Variants in VCAM1 observed in about 807,000 individuals in gnomAD.
The protein encoded by VCAM1 is vascular cell adhesion protein 1.
VCAM1 carries 41 observed loss-of-function variants against 63.8 expected under a neutral mutation model. That is an observed-to-expected ratio of 0.64 (90% CI 0.50 to 0.83). The LOEUF (loss-of-function observed/expected upper bound fraction) is 0.83. VCAM1 is among the 40% of genes least tolerant of loss of function. The probability of loss-of-function intolerance (pLI) is 0.00; values close to 1 mark genes in which losing one functional copy is unlikely to be tolerated. For synonymous variants in VCAM1, 338 were observed against 320.7 expected (o/e 1.05, Z -0.58); for missense variants, 798 against 875.5 (o/e 0.91, Z 1.12).
At position 100,724,861 on chromosome 1, in the gene VCAM1, A is replaced by G. The variant is rs775533364; in HGVS notation, c.899A>G (p.Asn300Ser). The G allele has an allele frequency of 1.2e-6, 2 of 1,612,792 alleles. No homozygotes were observed. Among genetic ancestry groups the G allele is most frequent in the Non-Finnish European group, 8.5e-7 (1 of 1,179,224 alleles). ...VCEGVNLIGKNRKEVELIVQE... is the reference protein window; with the variant it reads ...VCEGVNLIGKSRKEVELIVQE... ...GAAGGAGTTAATTTGATTGGGAAAAACAGAAAAGAGGTGGAATTAATTGTT... is the reference window on the plus strand; with the variant it reads ...GAAGGAGTTAATTTGATTGGGAAAAGCAGAAAAGAGGTGGAATTAATTGTT... Residue 300 changes from asparagine to serine, a missense_variant, in exon 4 of 9, where the codon AAC (asparagine) becomes AGC (serine). Coordinates refer to ENST00000294728, the MANE Select transcript of VCAM1 (RefSeq NM_001078.4).
chr1:100,731,566 C>A lies in VCAM1; in HGVS notation c.1525+48C>A. On this transcript the variant is annotated intron_variant, in intron 6 of 8. Transcript: ENST00000294728. This position sits in a 1 kb window ranked among gnomAD's most constrained non-coding sequence, Gnocchi z 4.2. The stretch of plus-strand genomic sequence containing the variant: ...TACAGTTTAATACCTGTCTCTTTAT[C>A]GTGTTTGCCAGGCAATAGTTAACAT... The A allele has an allele frequency of 6.6e-7, 1 of 1,515,236 alleles. No homozygotes were observed. The highest frequency in any genetic ancestry group is 1.3e-5 in the South Asian group (1 of 78,746). 93.9% of individuals were successfully genotyped at this position (1,515,236 alleles called of 1,614,324 possible).
In VCAM1 at chr1:100,720,544, T is replaced by C. The variant is rs1418714841; in HGVS notation, c.133T>C (p.Leu45=). The C allele has an allele frequency of 6.2e-7, 1 of 1,613,254 alleles. No homozygotes were observed. The highest frequency in any genetic ancestry group is 1.3e-5 in the African/African-American group (1 of 74,852). ...TGCTCAGATTGGTGACTCCGTCTCATTGACTTGCAGCACCACAGGCTGTGA... is the reference window on the plus strand; with the variant it reads ...TGCTCAGATTGGTGACTCCGTCTCACTGACTTGCAGCACCACAGGCTGTGA... The part of the protein sequence containing the change: ...YLAQIGDSVS[L]TCSTTGCESP... Residue 45 remains leucine (L), a synonymous_variant, in exon 2 of 9, where the codon TTG becomes CTG. Coordinates refer to ENST00000294728, the MANE Select transcript of VCAM1 (RefSeq NM_001078.4).
intron 3 of VCAM1, among the ~76,000 whole-genome samples, chr1:100,723,879 G>A (rs1371381691): frequency 6.6e-6 from 1 of 151,948 alleles, no homozygotes; most frequent in Non-Finnish European, 1.5e-5. Context: ...TGGGAGTCTT[G>A]TAGTCCCAGC....
chr1:100,732,700 G>GTAAT lies in VCAM1; in HGVS notation c.1792+17_1792+20dup. ...ATTATCCAAGGTGAGCAGAGTGTGAGTAATGAGTTATCCTTGCTAGTAATG... is the reference window on the plus strand; with the variant it reads ...ATTATCCAAGGTGAGCAGAGTGTGAGTAATTAATGAGTTATCCTTGCTAGTAATG... On this transcript the variant is annotated intron_variant, in intron 7 of 8. Transcript: ENST00000294728. 6.4e-7 allele frequency: 1 copy of GTAAT among 1,552,638 alleles called. No individual in the cohort carries two copies. Among genetic ancestry groups the GTAAT allele is most frequent in the Non-Finnish European group, 8.7e-7 (1 of 1,153,058 alleles).
In VCAM1 at chr1:100,731,149, T is replaced by C; in HGVS notation, c.1205-49T>C. The C allele has an allele frequency of 1.3e-6, 2 of 1,535,552 alleles. No individual in the cohort carries two copies. Among genetic ancestry groups the C allele is most frequent in the Non-Finnish European group, 1.7e-6 (2 of 1,144,734 alleles). ...TACATTTAATAAAGCTTAGCTCAAT[T>C]TTTCCTTGAATATCAAGAATAAAAA... On this transcript the variant is annotated intron_variant, in intron 5 of 8. Coordinates refer to ENST00000294728, the MANE Select transcript of VCAM1 (RefSeq NM_001078.4). The surrounding 1 kb of genome is among the most constrained non-coding windows in gnomAD (Gnocchi z 4.2).
intron 7 of VCAM1, 126 bp downstream of exon 7, chr1:100,732,810 TATG>T: frequency 1.9e-6 from 2 of 1,076,608 alleles, no homozygotes; most frequent in Non-Finnish European, 2.6e-6. Flanking sequence ...TTGAAGAGTT[TATG>T]ATGTTTCCAA....
intron 7 of VCAM1, 132 bp downstream of exon 7, chr1:100,732,816 GT>G: frequency 1.0e-6 from 1 of 984,088 alleles, no homozygotes. Context: ...AGTTTATGAT[GT>G]TTCCAATGTA....
chr1:100,722,930 C>T (rs1397079500), intron 2 of VCAM1, 90 bp from the exon 3 acceptor site: 1 of 1,391,658 alleles, frequency 7.2e-7, no homozygotes, highest in Non-Finnish European at 9.5e-7. Context: ...AACAAAAACG[C>T]TAGACTTGAT....
intron 7 of VCAM1, among the ~76,000 whole-genome samples, chr1:100,733,229 A>G (rs1224370997): frequency 6.6e-6 from 1 of 152,228 alleles, no homozygotes; most frequent in Non-Finnish European, 1.5e-5. Flanking sequence ...CCTTCTCTTT[A>G]GGATGGAGAC....
intron 5 of VCAM1, among the ~76,000 whole-genome samples, chr1:100,730,911 AG>A (rs2100831322): frequency 6.6e-6 from 1 of 152,284 alleles, no homozygotes; most frequent in African/African-American, 2.4e-5. Context: ...TACTTAGAAA[AG>A]GTCAAGCCAT....
At chr1:100,734,126 A>G (rs1315948589) in intron 7 of VCAM1, among the ~76,000 whole-genome samples, 1 of 152,194 alleles carries the variant, frequency 6.6e-6, no homozygotes, top group African/African-American at 2.4e-5. Context: ...TGAGAACAGC[A>G]TGGGGGAAAC....
At chr1:100,719,966 A>G in intron 1 of VCAM1, 42 bp downstream of exon 1, 1 of 1,595,840 alleles carries the variant, frequency 6.3e-7, no homozygotes, top group Non-Finnish European at 8.6e-7. Context: ...TTAGCATTCA[A>G]TTTTAGCCCT....
chr1:100,722,985 A>G, intron 2 of VCAM1, 35 bp from the exon 3 acceptor site: 1 of 1,576,690 alleles, frequency 6.3e-7, no homozygotes, highest in East Asian at 2.3e-5. Flanking sequence ...CACATTAGCA[A>G]AAAGCCCATC....
chr1:100,729,984 A>T (rs1249965750), intron 5 of VCAM1, among the ~76,000 whole-genome samples: 2 of 152,264 alleles, frequency 1.3e-5, no homozygotes, highest in African/African-American at 4.8e-5. Flanking sequence ...TTTTGTCTTA[A>T]TAAACATTCT....
Position 100,731,677 on chromosome 1 carries a change from C to T in VCAM1, c.1525+159C>T, listed in dbSNP as rs1418360402. ...ATGATGATTGTAACAAATCACCCTC[C>T]CTAAACTTAAAATAGTAACTATTTA... On this transcript the variant is annotated intron_variant, in intron 6 of 8. Transcript: ENST00000294728. The surrounding 1 kb of genome is among the most constrained non-coding windows in gnomAD (Gnocchi z 4.2). Among the ~76,000 whole-genome samples the T allele has an allele frequency of 6.6e-6, 1 of 152,128 alleles. No individual in the cohort carries two copies. Among genetic ancestry groups the T allele is most frequent in the Non-Finnish European group, 1.5e-5 (1 of 68,032 alleles).
chr1:100,725,414 T>C (rs972814391), intron 4 of VCAM1, among the ~76,000 whole-genome samples: 1 of 152,076 alleles, frequency 6.6e-6, no homozygotes, highest in Admixed American at 6.6e-5. Context: ...CAGCATTCGC[T>C]AAACACCAGA....
chr1:100,735,714 T>C (rs1660626875), intron 8 of VCAM1: 1 of 152,198 alleles, frequency 6.6e-6, no homozygotes, highest in South Asian at 2.1e-4. Context: ...TCACAGTACC[T>C]CCTCAAAACA....
intron 4 of VCAM1, 36 bp from the exon 5 acceptor site, chr1:100,729,071 A>C: frequency 6.7e-7 from 1 of 1,483,356 alleles, no homozygotes; most frequent in South Asian, 1.5e-5. Flanking sequence ...AAAGAATCTT[A>C]TGTTCTTTTC....
chr1:100,724,566 C>T (rs1660091878), intron 3 of VCAM1, 58 bp from the exon 4 acceptor site: 1 of 1,560,230 alleles, frequency 6.4e-7, no homozygotes, highest in Non-Finnish European at 8.7e-7. Flanking sequence ...AAATACATTA[C>T]CTCTGTTGCA....
Sources: gnomAD v4.1 joint callset for allele counts (sites outside exome capture counted in the v4.1 genomes callset) on GRCh38, gnomAD v4.1.1 for gene constraint, Gnocchi (gnomAD v3.1) non-coding constraint, MANE v1.5 for transcripts, NCBI Gene and HGNC (gene_info 2026-07-23, HGNC 2026-07-21) for gene names.